The following NUP42 variants were observed in gnomAD, a reference collection of about 807,000 sequenced individuals.
NUP42 encodes nucleoporin NUP42.
Under a neutral mutation model 35.9 loss-of-function variants are expected in NUP42, and 47 were observed. The observed-to-expected ratio is 1.31, with a 90% confidence interval of 1.04 to 1.67. The LOEUF (loss-of-function observed/expected upper bound fraction) is 1.67. NUP42 is among the 40% of genes most tolerant of loss of function. The probability of loss-of-function intolerance (pLI) is 0.00; values close to 1 mark genes in which losing one functional copy is unlikely to be tolerated. For synonymous variants in NUP42, 173 were observed against 173.3 expected, an observed-to-expected ratio of 1.00 and a Z score of 0.01; for missense variants, 514 against 492.2, an observed-to-expected ratio of 1.04 and a Z score of -0.42.
At chr7:23,191,548 G>C (rs1690971360) in intron 3 of NUP42, among the ~76,000 whole-genome samples, 1 of 152,172 alleles carries the variant, frequency 6.6e-6, no homozygotes, top group Non-Finnish European at 1.5e-5. Flanking sequence ...GTCATTAGAA[G>C]GAATCCAGGG....
rs1583752842 is a variant in NUP42, at chr7:23,182,226, T to C, written c.121+20T>C. On this transcript the variant is annotated intron_variant, in intron 1 of 6. Transcript: ENST00000258742. The stretch of plus-strand genomic sequence containing the variant: ...CTTCAGGTGACTCTCCTCTGAATCC[T>C]CCGCGGTAACCGAGCCGGGAAGGGT... 6.3e-7 allele frequency: 1 copy of C among 1,590,854 alleles called. No individual in the cohort carries two copies. The highest frequency in any genetic ancestry group is 1.1e-5 in the South Asian group (1 of 88,738).
chr7:23,183,547 C>T (rs767818705), intron 1 of NUP42, among the ~76,000 whole-genome samples: 1 of 151,990 alleles, frequency 6.6e-6, no homozygotes, highest in East Asian at 1.9e-4. Context: ...CCTTGTATTG[C>T]GTGATGGTTT....
In NUP42 at chr7:23,200,431, C is replaced by T. The variant is rs1441519513; in HGVS notation, c.958C>T (p.Pro320Ser). The T allele has an allele frequency of 1.9e-6, 3 of 1,614,196 alleles. No individual in the cohort carries two copies. The highest frequency in any genetic ancestry group is 2.5e-6 in the Non-Finnish European group (3 of 1,180,034). ...TGGATCACCTGGATTTTCAGGACTT[C>T]CAGCTTCCTTGGCAACAGGTCCTGT... ...SFGSPGFSGL[P>S]ASLATGPVRA... The change falls in exon 7 of 7, where the codon CCA becomes TCA. Residue 320 changes from proline (P) to serine (S), a missense_variant. Pro to Ser is a moderately conservative substitution (Grantham distance 74). Coordinates refer to ENST00000258742, the MANE Select transcript of NUP42 (RefSeq NM_007342.3).
At chr7:23,191,850 C>T (rs1785804016) in intron 3 of NUP42, among the ~76,000 whole-genome samples, 1 of 152,012 alleles carries the variant, frequency 6.6e-6, no homozygotes. Flanking sequence ...TTCCTATAGT[C>T]CCAGCTACTC....
Position 23,182,215 on chromosome 7 carries a change from C to G in NUP42, c.121+9C>G, listed in dbSNP as rs774315019. 29 of 1,599,232 alleles carry G rather than the reference C, an allele frequency of 1.8e-5. No homozygotes were observed. The highest frequency in any genetic ancestry group is 2.4e-5 in the Non-Finnish European group (28 of 1,172,864). ...GCAGCAGCAGCCTTCAGGTGACTCT[C>G]CTCTGAATCCTCCGCGGTAACCGAG... On this transcript the variant is annotated intron_variant, in intron 1 of 6. Transcript: ENST00000258742.
intron 1 of NUP42, among the ~76,000 whole-genome samples, chr7:23,184,571 TTTG>T (rs144540519): frequency 0.052 from 7,900 of 152,308 alleles, 260 homozygotes; most frequent in South Asian, 0.1. Flanking sequence ...CACTATGTGA[TTTG>T]TTGATATTAC....
chr7:23,183,981 G>T (rs929195874), intron 1 of NUP42, among the ~76,000 whole-genome samples: 4 of 150,562 alleles, frequency 2.7e-5, no homozygotes, highest in Non-Finnish European at 5.9e-5. Flanking sequence ...ATAATTAATG[G>T]CTTATCTCTT....
At chr7:23,189,929 AT>A (rs146139693) in intron 3 of NUP42, among the ~76,000 whole-genome samples, 14 of 150,466 alleles carry the variant, frequency 9.3e-5, no homozygotes, top group African/African-American at 3.2e-4. Flanking sequence ...AAAAAAAAAA[AT>A]TTTTTTGATG....
chr7:23,188,326 A>G, intron 3 of NUP42: 1 of 1,155,990 alleles, frequency 8.7e-7, no homozygotes, highest in Non-Finnish European at 1.1e-6. Context: ...AAGACAGACA[A>G]GATCCCTTCC....
chr7:23,188,218 G>A, intron 3 of NUP42: 1 of 1,254,858 alleles, frequency 8.0e-7, no homozygotes, highest in Non-Finnish European at 1.0e-6. Context: ...TTTTCTGTGA[G>A]CATTTGCATT....
chr7:23,192,570 G>T (rs1221589805), intron 3 of NUP42, among the ~76,000 whole-genome samples: 1 of 146,784 alleles, frequency 6.8e-6, no homozygotes, highest in African/African-American at 2.6e-5. Flanking sequence ...AAAAGAAAAA[G>T]AAAATCATAA....
chr7:23,194,678 GT>G, intron 3 of NUP42: 1 of 159,214 alleles, frequency 6.3e-6, no homozygotes, highest in Non-Finnish European at 1.3e-5. Flanking sequence ...AGTTTTTTTT[GT>G]TTTTGCTTTT....
At chr7:23,183,088 C>T (rs1785471798) in intron 1 of NUP42, among the ~76,000 whole-genome samples, 1 of 152,040 alleles carries the variant, frequency 6.6e-6, no homozygotes, top group Non-Finnish European at 1.5e-5. Context: ...GATCTAGTCC[C>T]TGGGCCTAGA....
At position 23,182,102 on chromosome 7, in the gene NUP42, TCTTC is replaced by T. The variant is rs1215591738; in HGVS notation, c.22_25del (p.Leu8LysfsTer113). 1.2e-6 allele frequency: 2 copies of T among 1,614,004 alleles called. No homozygotes were observed. The highest frequency in any genetic ancestry group is 1.7e-6 in the Non-Finnish European group (2 of 1,180,044). On this transcript the variant is annotated frameshift_variant, in exon 1 of 7. Transcript: ENST00000258742. LOFTEE classifies it high-confidence loss of function. The stretch of plus-strand genomic sequence containing the variant: ...GCCGTCGCAATGGCCATTTGTCAAT[TCTTC>T]CTTCAAGGCCGGTGCCGCTTTGGAG...
At chr7:23,192,507 ACT>A (rs1785829260) in intron 3 of NUP42, among the ~76,000 whole-genome samples, 1 of 149,428 alleles carries the variant, frequency 6.7e-6, no homozygotes, top group Admixed American at 6.7e-5. Flanking sequence ...AGATGATGCC[ACT>A]GCACTCCAGC....
chr7:23,185,585 CG>C (rs1299457981), intron 2 of NUP42, among the ~76,000 whole-genome samples: 1 of 152,090 alleles, frequency 6.6e-6, no homozygotes, highest in Non-Finnish European at 1.5e-5. Flanking sequence ...GGGGTAATTA[CG>C]CTTTTTCCAC....
chr7:23,183,971 A>G (rs919086655), intron 1 of NUP42, among the ~76,000 whole-genome samples: 2 of 150,052 alleles, frequency 1.3e-5, no homozygotes, highest in African/African-American at 2.5e-5. Context: ...AACTTTTAAT[A>G]TAATTAATGG....
intron 1 of NUP42, among the ~76,000 whole-genome samples, chr7:23,183,518 GCC>G (rs1785487088): frequency 6.6e-6 from 1 of 152,136 alleles, no homozygotes; most frequent in Non-Finnish European, 1.5e-5. Context: ...ACCGCGGCGG[GCC>G]TCATCTAACC....
chr7:23,197,224 G>A (rs962119591), intron 5 of NUP42: 15 of 1,299,864 alleles, frequency 1.2e-5, no homozygotes, highest in South Asian at 6.2e-5. Context: ...CTATGGTCCC[G>A]ACTGTGGCAA....
Sources: allele counts gnomAD v4.1 joint callset (sites outside exome capture counted in the v4.1 genomes callset), GRCh38; gene constraint gnomAD v4.1.1; transcripts MANE v1.5; gene names NCBI Gene and HGNC (gene_info 2026-07-23, HGNC 2026-07-21).